The following MGAT5B variants were observed in gnomAD, a reference collection of about 807,000 sequenced individuals.
The protein encoded by MGAT5B is N-acetylglucosaminyl-transferase Vb.
Under a neutral mutation model 95.1 loss-of-function variants are expected in MGAT5B, and 54 were observed. The observed-to-expected ratio is 0.57, with a 90% CI of 0.46 to 0.71. MGAT5B has a LOEUF of 0.71. Among genes scored for constraint, MGAT5B ranks in the 30% least tolerant of loss-of-function variants. The pLI is 0.00. For synonymous variants in MGAT5B, 464 were observed against 451.0 expected (o/e 1.03, Z -0.36); for missense variants, 935 against 1,088.6 (o/e 0.86, Z 1.99).
chr17:76,875,370 C>T (rs988875778), intron 2 of MGAT5B, among the ~76,000 whole-genome samples: 3 of 152,074 alleles, frequency 2.0e-5, no homozygotes, highest in Non-Finnish European at 2.9e-5. Context: ...TTATAAGGGG[C>T]TTTTTCCCTT....
Position 76,868,889 on chromosome 17 carries a change from G to A in MGAT5B, c.-141G>A, listed in dbSNP as rs1000634582. The stretch of plus-strand genomic sequence containing the variant: ...TGCACGCCCAGGCCTGAGCAGCGAG[G>A]CCACCGGGCCGCGCGCTCCCAGCTT... On this transcript the variant is annotated 5_prime_UTR_variant, in exon 1 of 18. Coordinates refer to ENST00000569840, the MANE Select transcript of MGAT5B (RefSeq NM_001199172.2). This position sits in a 1 kb window ranked among gnomAD's most constrained non-coding sequence, Gnocchi z 6.3. The A allele has an allele frequency of 2.4e-5, 16 of 679,236 alleles. No homozygotes were observed. Among genetic ancestry groups the A allele is most frequent in the African/African-American group, 2.3e-4 (12 of 51,332 alleles). The allele number at this position is 679,236 out of a possible 1,614,324, so 42.1% of individuals were successfully genotyped here.
intron 8 of MGAT5B, among the ~76,000 whole-genome samples, chr17:76,920,224 C>T (rs757378732): frequency 6.6e-5 from 10 of 152,218 alleles, no homozygotes; most frequent in South Asian, 2.1e-4. Context: ...GTCCTCCCCC[C>T]ACCACCCTCC....
intron 9 of MGAT5B, 94 bp from the exon 10 acceptor site, chr17:76,926,502 AC>A (rs1232213858): frequency 2.4e-5 from 30 of 1,270,878 alleles, no homozygotes; most frequent in Non-Finnish European, 2.9e-5. Context: ...TGACTCCACC[AC>A]TGGCTGGTGA....
chr17:76,927,855 T>C (rs7209027), intron 10 of MGAT5B, among the ~76,000 whole-genome samples: 78,476 of 152,128 alleles, frequency 0.52, 20,678 homozygotes, highest in Non-Finnish European at 0.58. Context: ...GCTAGATAAG[T>C]AGCCTTGTTA....
At chr17:76,897,717 CT>C (rs1170271577) in intron 3 of MGAT5B, among the ~76,000 whole-genome samples, 2 of 89,282 alleles carry the variant, frequency 2.2e-5, no homozygotes, top group South Asian at 8.3e-4. Flanking sequence ...TTCTTTCTTT[CT>C]TTCTTTCTTT....
At chr17:76,910,755 G>A (rs1473160892) in intron 8 of MGAT5B, among the ~76,000 whole-genome samples, 1 of 152,230 alleles carries the variant, frequency 6.6e-6, no homozygotes, top group Non-Finnish European at 1.5e-5. Context: ...CCCCATCTCT[G>A]GTTTGCAGTT....
At chr17:76,913,593 A>C (rs1030296181) in intron 8 of MGAT5B, 6 of 429,008 alleles carry the variant, frequency 1.4e-5, no homozygotes, top group African/African-American at 1.0e-4. Flanking sequence ...AGTGTGGTTG[A>C]AATTGTCAAA....
rs371800209 is a variant in MGAT5B at position 76,872,753 on chromosome 17, C to T, written c.69-98C>T. On this transcript the variant is annotated intron_variant, in intron 1 of 17. Transcript: ENST00000569840. Reference sequence around the variant, plus strand: ...TTCTCCCTTGCTTCCTTCACTCATGCACTCATTCGTAAAACATTTGTGCAG... The same window carrying T: ...TTCTCCCTTGCTTCCTTCACTCATGTACTCATTCGTAAAACATTTGTGCAG... 2.1e-4 allele frequency: 337 copies of T among 1,603,494 alleles called. 9 individuals are homozygous for T. In the South Asian group the frequency reaches 3.5e-3, roughly 17 times the overall value.
chr17:76,878,940 C>T (rs745873098), intron 2 of MGAT5B, among the ~76,000 whole-genome samples: 56 of 152,184 alleles, frequency 3.7e-4, no homozygotes, highest in Non-Finnish European at 5.4e-4. Context: ...AAGAGAAGGA[C>T]GGTGACCTGC....
Position 76,872,924 on chromosome 17 carries a change from C to G in MGAT5B, c.142C>G (p.Arg48Gly), listed in dbSNP as rs1449944386. ...MTSLGGQFSA[R>G]RLGDSPFTIR... ...GTCTCTGGGAGGCCAGTTCTCGGCC[C>G]GGCGCCTGGGGGACTCGCCATTCAC... Residue 48 changes from arginine to glycine, a missense_variant, in exon 2 of 18, where the codon CGG becomes GGG. By Grantham distance (125) the Arg-to-Gly change is moderately radical. Transcript: ENST00000569840. The G allele has an allele frequency of 1.2e-6, 2 of 1,614,116 alleles. No individual in the cohort carries two copies. The highest frequency in any genetic ancestry group is 1.1e-5 in the South Asian group (1 of 91,084).
At position 76,916,437 on chromosome 17, in the gene MGAT5B, C is replaced by T. The variant is rs1394364399; in HGVS notation, c.1026-8529C>T. ...AAGGGAAGACTCATGGAAATGACGTCGCTGGCCCTCATGAGAGATCCATGC... is the reference window on the plus strand; with the variant it reads ...AAGGGAAGACTCATGGAAATGACGTTGCTGGCCCTCATGAGAGATCCATGC... On this transcript the variant is annotated intron_variant, in intron 8 of 17. Coordinates refer to ENST00000569840, the MANE Select transcript of MGAT5B (RefSeq NM_001199172.2). The surrounding 1 kb of genome is among the most constrained non-coding windows in gnomAD (Gnocchi z 5.3). Among the ~76,000 whole-genome samples the T allele has an allele frequency of 6.6e-6, 1 of 152,196 alleles. No individual in the cohort carries two copies. The highest frequency in any genetic ancestry group is 1.9e-4 in the East Asian group (1 of 5,190).
chr17:76,878,477 TTTTG>T (rs746853525), intron 2 of MGAT5B, among the ~76,000 whole-genome samples: 22 of 152,104 alleles, frequency 1.4e-4, no homozygotes, highest in Admixed American at 3.9e-4. Context: ...TCCTCAGGGT[TTTTG>T]TTTGTTTGTT....
At chr17:76,941,071 G>GA (rs1306750513) in intron 15 of MGAT5B, among the ~76,000 whole-genome samples, 1 of 152,230 alleles carries the variant, frequency 6.6e-6, no homozygotes, top group Non-Finnish European at 1.5e-5. Flanking sequence ...GATGTGTGGG[G>GA]AATGCCTTTG....
chr17:76,888,025 G>A (rs1967725113), intron 3 of MGAT5B, among the ~76,000 whole-genome samples: 1 of 152,114 alleles, frequency 6.6e-6, no homozygotes, highest in South Asian at 2.1e-4. Flanking sequence ...CACTGTCCCT[G>A]GAGCACAGTG....
chr17:76,870,796 C>A lies in MGAT5B; in HGVS notation c.68+1699C>A, dbSNP rs1003216945. ...ACCCCAGCTTATTCATCCTCAAAGGCAGGCTGGGGTCCTGTTCCCTGTGGT... is the reference window on the plus strand; with the variant it reads ...ACCCCAGCTTATTCATCCTCAAAGGAAGGCTGGGGTCCTGTTCCCTGTGGT... On this transcript the variant is annotated intron_variant, in intron 1 of 17. Coordinates refer to ENST00000569840, the MANE Select transcript of MGAT5B (RefSeq NM_001199172.2). The surrounding 1 kb of genome is among the most constrained non-coding windows in gnomAD (Gnocchi z 5.0). 6.6e-6 allele frequency among the ~76,000 whole-genome samples: 1 copy of A among 151,918 alleles called. No homozygotes were observed. Among genetic ancestry groups the A allele is most frequent in the African/African-American group, 2.4e-5 (1 of 41,316 alleles).
rs949802401 is a variant in MGAT5B, at chr17:76,889,151, T to C, written c.329+6853T>C. ...CCATGCCAGGTACACCGAGCTGTTT[T>C]GCAGATGCAGTGAGAAGATGCAGGG... On this transcript the variant is annotated intron_variant, in intron 3 of 17. Transcript: ENST00000569840. The surrounding 1 kb of genome is among the most constrained non-coding windows in gnomAD (Gnocchi z 4.4). 2.0e-5 allele frequency among the ~76,000 whole-genome samples: 3 copies of C among 152,144 alleles called. No individual in the cohort carries two copies. The highest frequency in any genetic ancestry group is 4.4e-5 in the Non-Finnish European group (3 of 68,038).
At chr17:76,926,344 T>C (rs12453805) in intron 9 of MGAT5B, among the ~76,000 whole-genome samples, 107,415 of 152,024 alleles carry the variant, frequency 0.71, 38,714 homozygotes, top group East Asian at 0.78. Flanking sequence ...GGACCATGGG[T>C]CAGGAGCTTC....
intron 8 of MGAT5B, among the ~76,000 whole-genome samples, chr17:76,909,700 C>T (rs978344911): frequency 2.0e-5 from 3 of 152,106 alleles, no homozygotes; most frequent in African/African-American, 4.8e-5. Context: ...TCTGTGACTC[C>T]GATCAGAGGG....
rs970346080 is a variant in MGAT5B at position 76,916,077 on chromosome 17, G to A, written c.1026-8889G>A. ...CAAATGTCGTGGGCCTCTGCTGCTG[G>A]GGCCTGGGGCTGCCCTGGCCCCTGC... On this transcript the variant is annotated intron_variant, in intron 8 of 17. Transcript: ENST00000569840. The surrounding 1 kb of genome is among the most constrained non-coding windows in gnomAD (Gnocchi z 5.3). Among the ~76,000 whole-genome samples, 1 of 150,430 alleles carries A rather than the reference G, an allele frequency of 6.6e-6. No individual in the cohort carries two copies. Among genetic ancestry groups the A allele is most frequent in the Middle Eastern group, 3.4e-3 (1 of 290 alleles).
Sources: allele counts gnomAD v4.1 joint callset (sites outside exome capture counted in the v4.1 genomes callset), GRCh38; gene constraint gnomAD v4.1.1; non-coding constraint Gnocchi (gnomAD v3.1); transcripts MANE v1.5; gene names NCBI Gene and HGNC (gene_info 2026-07-23, HGNC 2026-07-21).